CDH13: variants seen among roughly 807,000 people sequenced by gnomAD.
CDH13 encodes the protein cadherin 13.
CDH13 carries 24 observed loss-of-function variants against 63.8 expected under a neutral mutation model. The observed-to-expected ratio is 0.38, with a 90% confidence interval of 0.27 to 0.53. CDH13 has a LOEUF of 0.53. Among genes scored for constraint, CDH13 ranks in the 20% least tolerant of loss-of-function variants. The probability of loss-of-function intolerance (pLI) is 0.85; values close to 1 mark genes in which losing one functional copy is unlikely to be tolerated. For synonymous variants in CDH13, 503 were observed against 355.3 expected, an observed-to-expected ratio of 1.42 and a Z score of -4.67; for missense variants, 1,049 against 903.1, an observed-to-expected ratio of 1.16 and a Z score of -2.07.
chr16:83,442,738 AG>A (rs2072515961), intron 6 of CDH13, among the ~76,000 whole-genome samples: 2 of 152,264 alleles, frequency 1.3e-5, no homozygotes, highest in South Asian at 4.1e-4. Flanking sequence ...CAGTGATATC[AG>A]AATGTTACCT....
intron 8 of CDH13, among the ~76,000 whole-genome samples, chr16:83,656,599 C>A (rs946451176): frequency 5.9e-5 from 9 of 152,138 alleles, no homozygotes; most frequent in Non-Finnish European, 1.2e-4. Context: ...AAAAAGTCAA[C>A]CAGATCCAGG....
intron 5 of CDH13, among the ~76,000 whole-genome samples, chr16:83,289,357 C>T (rs181434993): frequency 7.9e-5 from 12 of 152,160 alleles, no homozygotes; most frequent in South Asian, 4.1e-4. Flanking sequence ...CTGTTTAGGG[C>T]GGTGTGTGGT....
At chr16:83,328,533 T>G (rs1188489002) in intron 5 of CDH13, among the ~76,000 whole-genome samples, 1 of 152,132 alleles carries the variant, frequency 6.6e-6, no homozygotes, top group East Asian at 1.9e-4. Flanking sequence ...TGTGGAAACC[T>G]GTGTGGTGAA....
chr16:82,966,532 G>A (rs943792217), intron 2 of CDH13, among the ~76,000 whole-genome samples: 4 of 152,152 alleles, frequency 2.6e-5, no homozygotes, highest in African/African-American at 7.2e-5. Context: ...GTCAATCTGG[G>A]CTCAAACATT....
intron 2 of CDH13, chr16:82,884,398 C>A: frequency 5.9e-6 from 2 of 340,110 alleles, no homozygotes; most frequent in Non-Finnish European, 1.2e-5. Context: ...AAATGAGACT[C>A]CTTCTGTTGT....
intron 4 of CDH13, among the ~76,000 whole-genome samples, chr16:83,159,420 T>A (rs1416035438): frequency 2.6e-5 from 4 of 152,154 alleles, no homozygotes; most frequent in African/African-American, 9.7e-5. Flanking sequence ...TTCTAAACAA[T>A]TAATGGGTAT....
At chr16:82,706,574 A>AC (rs1567646571) in intron 1 of CDH13, among the ~76,000 whole-genome samples, 2 of 151,748 alleles carry the variant, frequency 1.3e-5, no homozygotes, top group Admixed American at 6.6e-5. Context: ...TGGGTGGATC[A>AC]CCTGAGGGTC....
At chr16:83,474,884 G>C (rs1247434508) in intron 6 of CDH13, among the ~76,000 whole-genome samples, 1 of 152,218 alleles carries the variant, frequency 6.6e-6, no homozygotes, top group Non-Finnish European at 1.5e-5. Context: ...AACAACCGCT[G>C]GAGGAGCCAA....
intron 3 of CDH13, among the ~76,000 whole-genome samples, chr16:83,112,598 T>C (rs2035110171): frequency 6.6e-6 from 1 of 152,214 alleles, no homozygotes; most frequent in Non-Finnish European, 1.5e-5. Context: ...ACTTCCTTTT[T>C]GTTAGTTTCC....
intron 2 of CDH13, among the ~76,000 whole-genome samples, chr16:82,992,034 T>A (rs1046491810): frequency 6.6e-6 from 1 of 152,168 alleles, no homozygotes; most frequent in East Asian, 1.9e-4. Context: ...AAAGTATGTT[T>A]CCACTGAAAG....
chr16:83,654,310 C>T (rs1472621173), intron 8 of CDH13, among the ~76,000 whole-genome samples: 1 of 152,006 alleles, frequency 6.6e-6, no homozygotes, highest in East Asian at 1.9e-4. Flanking sequence ...GGGAAGGGTC[C>T]CTCCTGCACC....
intron 4 of CDH13, among the ~76,000 whole-genome samples, chr16:83,152,065 C>G (rs2037006401): frequency 6.6e-6 from 1 of 151,858 alleles, no homozygotes; most frequent in Admixed American, 6.6e-5. Flanking sequence ...TTTGGAAATC[C>G]TGTCCTTCCT....
intron 2 of CDH13, among the ~76,000 whole-genome samples, chr16:82,895,497 C>T (rs1278476599): frequency 6.6e-5 from 10 of 152,138 alleles, no homozygotes. Context: ...GTGTTTGTTA[C>T]AATTGATGAA....
intron 1 of CDH13, among the ~76,000 whole-genome samples, chr16:82,730,491 C>A (rs1191461908): frequency 6.6e-6 from 1 of 152,192 alleles, no homozygotes; most frequent in Non-Finnish European, 1.5e-5. Context: ...CGTTAGCCTT[C>A]TTGTATGGGC....
chr16:83,195,556 T>C (rs1165944399), intron 4 of CDH13, among the ~76,000 whole-genome samples: 1 of 151,944 alleles, frequency 6.6e-6, no homozygotes, highest in African/African-American at 2.4e-5. Flanking sequence ...GAGAACTCTA[T>C]CACGAGAATA....
chr16:82,871,067 G>A (rs1385218329), intron 2 of CDH13, among the ~76,000 whole-genome samples: 2 of 152,206 alleles, frequency 1.3e-5, no homozygotes, highest in African/African-American at 2.4e-5. Flanking sequence ...CCATCTTGAA[G>A]TTTTTGATGC....
At chr16:83,650,732 C>G (rs962407697) in intron 8 of CDH13, among the ~76,000 whole-genome samples, 6 of 151,946 alleles carry the variant, frequency 3.9e-5, no homozygotes, top group Admixed American at 6.6e-5. Flanking sequence ...GTGGCGAGGT[C>G]GAAAGACTCT....
At chr16:83,012,722 G>A (rs1023383564) in intron 2 of CDH13, among the ~76,000 whole-genome samples, 13 of 151,994 alleles carry the variant, frequency 8.6e-5, no homozygotes, top group Admixed American at 3.3e-4. Flanking sequence ...TTTTGATACC[G>A]AAATTATAGA....
intron 1 of CDH13, among the ~76,000 whole-genome samples, chr16:82,775,782 C>T (rs2035466983): frequency 2.0e-5 from 3 of 152,126 alleles, no homozygotes; most frequent in Admixed American, 1.3e-4. Flanking sequence ...TACACCCTTG[C>T]AAAAATATTA....
Sources: allele counts gnomAD v4.1 joint callset (sites outside exome capture counted in the v4.1 genomes callset), GRCh38; gene constraint gnomAD v4.1.1; transcripts MANE v1.5; gene names NCBI Gene and HGNC (gene_info 2026-07-23, HGNC 2026-07-21).